The following SPECC1 variants were observed in gnomAD, a reference collection of about 807,000 sequenced individuals.
SPECC1 encodes the protein sperm antigen with calponin homology and coiled-coil domains 1.
Under a neutral mutation model 104.1 loss-of-function variants are expected in SPECC1, and 62 were observed. The ratio of observed to expected loss-of-function variants is 0.60; its 90% CI spans 0.49 to 0.74. SPECC1 has a LOEUF of 0.74. Ranked by LOEUF, SPECC1 falls within the 30% of genes least tolerant of loss-of-function variation. The pLI is 0.00. For synonymous variants in SPECC1, 513 were observed against 501.6 expected, an observed-to-expected ratio of 1.02 and a Z score of -0.30; for missense variants, 1,306 against 1,310.5, an observed-to-expected ratio of 1.00 and a Z score of 0.05.
intron 4 of SPECC1, among the ~76,000 whole-genome samples, chr17:20,219,305 C>T (rs943533706): frequency 1.3e-5 from 2 of 152,122 alleles, no homozygotes; most frequent in African/African-American, 4.8e-5. Flanking sequence ...TGCATCTTCC[C>T]CAGCATTTGT....
intron 3 of SPECC1, among the ~76,000 whole-genome samples, chr17:20,180,759 A>G (rs1166759047): frequency 1.3e-5 from 2 of 152,228 alleles, no homozygotes; most frequent in African/African-American, 4.8e-5. Flanking sequence ...CCAGTTTTCA[A>G]CCTTTGAAAC....
At position 20,193,865 on chromosome 17, in the gene SPECC1, C is replaced by T. The variant is rs1040852827; in HGVS notation, c.284-10468C>T. On this transcript the variant is annotated intron_variant, in intron 3 of 14. Transcript: ENST00000395527. ...ATTAGAATACTAATCCAGATTTTTA[C>T]ATTATCCATCCCTCTTGTTTCTTCT... Among the ~76,000 whole-genome samples the T allele has an allele frequency of 1.6e-4, 25 of 152,174 alleles. 1 individual carries two copies. Among genetic ancestry groups the T allele is most frequent in the Admixed American group, 9.2e-4 (14 of 15,282 alleles).
At chr17:20,223,988 C>A (rs1295470629) in intron 4 of SPECC1, among the ~76,000 whole-genome samples, 2 of 152,182 alleles carry the variant, frequency 1.3e-5, no homozygotes, top group Non-Finnish European at 2.9e-5. Context: ...AGAAGACTTT[C>A]CAGATATTCA....
intron 12 of SPECC1, among the ~76,000 whole-genome samples, chr17:20,271,885 A>G (rs1420438126): frequency 6.6e-6 from 1 of 150,938 alleles, no homozygotes; most frequent in African/African-American, 2.4e-5. Flanking sequence ...TTCTTTAGGT[A>G]TAAGATTTTA....
At chr17:20,239,077 A>G (rs567628195) in intron 7 of SPECC1, 1 of 1,032,748 alleles carries the variant, frequency 9.7e-7, no homozygotes, top group African/African-American at 1.7e-5. Context: ...GAACAGTTTC[A>G]TTAGTAGAAC....
chr17:20,221,415 C>T (rs1420654124), intron 4 of SPECC1, among the ~76,000 whole-genome samples: 1 of 152,070 alleles, frequency 6.6e-6, no homozygotes, highest in African/African-American at 2.4e-5. Flanking sequence ...AGGAATTTAT[C>T]CATTTCTTCT....
intron 12 of SPECC1, among the ~76,000 whole-genome samples, chr17:20,272,031 TG>T (rs2040426194): frequency 1.3e-5 from 2 of 152,130 alleles, no homozygotes; most frequent in Admixed American, 6.5e-5. Flanking sequence ...TAGGAGGTTC[TG>T]GTTGTCTCCA....
At position 20,223,669 on chromosome 17, in the gene SPECC1, T is replaced by C. The variant is rs1161550837; in HGVS notation, c.1864-3744T>C. On this transcript the variant is annotated intron_variant, in intron 4 of 14. Transcript: ENST00000395527. ...GCCTGGGCGACAGAGCAAGACTTTG[T>C]CTCAAAAAAAAAAAAAAATTATTTC... Among the ~76,000 whole-genome samples the C allele has an allele frequency of 2.7e-5, 4 of 149,682 alleles. No homozygotes were observed. In the South Asian group the frequency reaches 8.4e-4, roughly 31 times the overall value.
At chr17:20,085,676 G>C (rs971174064) in intron 1 of SPECC1, among the ~76,000 whole-genome samples, 1 of 152,192 alleles carries the variant, frequency 6.6e-6, no homozygotes, top group South Asian at 2.1e-4. Flanking sequence ...AAAGCCTGTG[G>C]GTTAGAAAAG....
At chr17:20,059,921 A>G (rs534228521) in intron 1 of SPECC1, among the ~76,000 whole-genome samples, 389 of 152,320 alleles carry the variant, frequency 2.6e-3, no homozygotes, top group African/African-American at 8.9e-3. Flanking sequence ...TACCTTGCAA[A>G]GAGGTTTCAT....
rs192111405 is a variant in SPECC1, at chr17:20,230,637, C to T, written c.2072-1121C>T. 1.7e-3 allele frequency among the ~76,000 whole-genome samples: 263 copies of T among 152,312 alleles called. 2 individuals carry two copies. The highest frequency in any genetic ancestry group is 2.6e-3 in the Non-Finnish European group (175 of 68,032). On this transcript the variant is annotated intron_variant, in intron 5 of 14. Coordinates refer to ENST00000395527, the MANE Select transcript of SPECC1 (RefSeq NM_001243439.2). ...ATTAATGTCCACAGCAAAATTTAGA[C>T]ACATGCCTGTGGTTATATCATCATA... is the stretch of plus-strand genomic sequence containing the variant.
intron 4 of SPECC1, among the ~76,000 whole-genome samples, chr17:20,226,936 C>T (rs184536048): frequency 6.6e-5 from 10 of 152,214 alleles, no homozygotes; most frequent in Non-Finnish European, 1.0e-4. Flanking sequence ...CAGCAGAGGG[C>T]GCTGCTCCAT....
chr17:20,214,089 G>T (rs150635099), intron 4 of SPECC1, among the ~76,000 whole-genome samples: 60 of 152,234 alleles, frequency 3.9e-4, no homozygotes, highest in Non-Finnish European at 7.8e-4. Context: ...CTATGTTTTG[G>T]CTCTGTGGAC....
intron 3 of SPECC1, among the ~76,000 whole-genome samples, chr17:20,196,237 C>A (rs1206485895): frequency 1.3e-5 from 2 of 152,340 alleles, no homozygotes; most frequent in Admixed American, 6.5e-5. Flanking sequence ...ACTATTTCTT[C>A]AATAGTCTCA....
intron 7 of SPECC1, among the ~76,000 whole-genome samples, chr17:20,243,861 A>G (rs1199507295): frequency 6.6e-6 from 1 of 152,224 alleles, no homozygotes; most frequent in South Asian, 2.1e-4. Context: ...AATGAAATGT[A>G]AAATGAATTA....
Position 20,104,740 on chromosome 17 carries a change from CAAAAAAAA to C in SPECC1, c.148-5668_148-5661del, listed in dbSNP as rs745893309. On this transcript the variant is annotated intron_variant, in intron 2 of 14. Transcript: ENST00000395527. ...CTTGGGTGAAAGAGTGAGACTGTCT[CAAAAAAAA>C]AAAAAAAAAAAAAAAAAAGAAAAAA... Among the ~76,000 whole-genome samples, 365 of 57,238 alleles carry C rather than the reference CAAAAAAAA, an allele frequency of 6.4e-3. 1 individual carries two copies. The highest frequency in any genetic ancestry group is 8.7e-3 in the Non-Finnish European group (280 of 32,138). The allele number at this position is 57,238 out of a possible 152,430, so 37.6% of individuals were successfully genotyped here.
chr17:20,273,402 T>A (rs996227250), intron 12 of SPECC1, among the ~76,000 whole-genome samples: 1 of 150,890 alleles, frequency 6.6e-6, no homozygotes, highest in Non-Finnish European at 1.5e-5. Context: ...CTCTTGAACC[T>A]GGGAGGCGGA....
At position 20,204,792 on chromosome 17, in the gene SPECC1, G is replaced by A. The variant is rs1402585968; in HGVS notation, c.743G>A (p.Arg248Gln). 1.1e-5 allele frequency: 18 copies of A among 1,614,004 alleles called. No individual in the cohort carries two copies. Among genetic ancestry groups the A allele is most frequent in the East Asian group, 2.2e-5 (1 of 44,878 alleles). The change falls in exon 4 of 15, where the codon CGG (arginine) becomes CAG (glutamine). Residue 248 changes from arginine (R) to glutamine (Q), a missense_variant. By Grantham distance (43) the Arg-to-Gln change is conservative. This residue lies in a region of SPECC1 where 1,177 missense variants were observed against 1,139.9 expected (regional missense o/e 1.03). Coordinates refer to ENST00000395527, the MANE Select transcript of SPECC1 (RefSeq NM_001243439.2). ...KELSDLEEEN[R>Q]VLKEKLIYLE... ...CTTTCCGATCTAGAGGAAGAAAACC[G>A]GGTCCTGAAGGAGAAACTGATCTAT...
intron 7 of SPECC1, among the ~76,000 whole-genome samples, chr17:20,236,562 A>G (rs573513351): frequency 2.7e-5 from 4 of 150,136 alleles, no homozygotes; most frequent in South Asian, 2.1e-4. Context: ...GGAGGGGCCT[A>G]TGGTGTTCAT....
Sources: allele counts gnomAD v4.1 joint callset (sites outside exome capture counted in the v4.1 genomes callset), GRCh38; gene constraint gnomAD v4.1.1; regional missense constraint gnomAD v4.1.1; transcripts MANE v1.5; gene names NCBI Gene and HGNC (gene_info 2026-07-23, HGNC 2026-07-21).